The following TDRD3 variants were observed in gnomAD, a reference collection of about 807,000 sequenced individuals.
TDRD3 encodes the protein tudor domain-containing protein 3.
TDRD3 carries 45 observed loss-of-function variants against 86.7 expected under a neutral mutation model. The ratio of observed to expected loss-of-function variants is 0.52; its 90% confidence interval spans 0.41 to 0.67. TDRD3 has a LOEUF of 0.67. Ranked by LOEUF, TDRD3 falls within the 30% of genes least tolerant of loss-of-function variation. The pLI, the probability that TDRD3 is intolerant of heterozygous loss-of-function variation, is 0.00. For missense variants in TDRD3, 814 were observed against 889.0 expected, an observed-to-expected ratio of 0.92 and a Z score of 1.07; for synonymous variants, 298 against 301.7, an observed-to-expected ratio of 0.99 and a Z score of 0.13.
chr13:60,505,191 T>C (rs1271506708), intron 8 of TDRD3, among the ~76,000 whole-genome samples: 1 of 152,150 alleles, frequency 6.6e-6, no homozygotes, highest in African/African-American at 2.4e-5. Flanking sequence ...ATCCACTGGC[T>C]TGAAATTCTC....
intron 1 of TDRD3, among the ~76,000 whole-genome samples, chr13:60,432,962 A>T (rs569948595): frequency 6.6e-6 from 1 of 152,242 alleles, no homozygotes; most frequent in Admixed American, 6.5e-5. Context: ...GCATGAAGCC[A>T]TTTGATTTGG....
At chr13:60,443,511 A>G (rs1955329829) in intron 2 of TDRD3, among the ~76,000 whole-genome samples, 1 of 151,960 alleles carries the variant, frequency 6.6e-6, no homozygotes, top group South Asian at 2.1e-4. Flanking sequence ...GTAGTAAAAA[A>G]CTGGAAAGAA....
At chr13:60,513,788 G>T (rs1403200069) in intron 10 of TDRD3, among the ~76,000 whole-genome samples, 1 of 152,220 alleles carries the variant, frequency 6.6e-6, no homozygotes, top group Non-Finnish European at 1.5e-5. Context: ...CTTCTGCCAT[G>T]ATTGTGAGGC....
chr13:60,445,580 A>C (rs1174164976), intron 3 of TDRD3, among the ~76,000 whole-genome samples: 1 of 152,188 alleles, frequency 6.6e-6, no homozygotes, highest in East Asian at 1.9e-4. Flanking sequence ...TAGAACACAA[A>C]TTGCTGGACC....
At chr13:60,526,428 T>G (rs1415374653) in intron 10 of TDRD3, among the ~76,000 whole-genome samples, 1 of 152,154 alleles carries the variant, frequency 6.6e-6, no homozygotes, top group African/African-American at 2.4e-5. Flanking sequence ...CTGCTGAAAG[T>G]GCTCATTTGT....
At chr13:60,496,014 A>G (rs2146356) in intron 8 of TDRD3, among the ~76,000 whole-genome samples, 151,988 of 151,992 alleles carry the variant, frequency 1, 75,992 homozygotes, top group Non-Finnish European at 1. Flanking sequence ...TAACATTTGA[A>G]TCAGTGACTT....
intron 1 of TDRD3, among the ~76,000 whole-genome samples, chr13:60,432,087 G>C (rs1057189530): frequency 5.9e-5 from 9 of 151,948 alleles, no homozygotes; most frequent in Admixed American, 3.9e-4. Context: ...GAGGTACTTA[G>C]TTGTTAAGGG....
In TDRD3 at chr13:60,573,632, C is replaced by T. The variant is rs753169406; in HGVS notation, c.*26C>T. On this transcript the variant is annotated 3_prime_UTR_variant, in exon 14 of 14. Transcript: ENST00000377881. Reference sequence around the variant, plus strand: ...TTAAAGTAGACTCTTTGTGAAGAAACGAGCCAGTGACTGAAACACCCTGGT... The same window carrying T: ...TTAAAGTAGACTCTTTGTGAAGAAATGAGCCAGTGACTGAAACACCCTGGT... 7 of 985,190 alleles carry T rather than the reference C, an allele frequency of 7.1e-6. No individual in the cohort carries two copies. Among genetic ancestry groups the T allele is most frequent in the East Asian group, 1.1e-4 (1 of 8,830 alleles). 61.0% of individuals were successfully genotyped at this position (985,190 alleles called of 1,614,324 possible). A position where few individuals can be genotyped will look rare whatever the true frequency, so the allele number is the denominator to read the frequency against.
In TDRD3 at chr13:60,460,214, A is replaced by G. The variant is rs900571048; in HGVS notation, c.193-166A>G. 2.0e-5 allele frequency among the ~76,000 whole-genome samples: 3 copies of G among 152,320 alleles called. No homozygotes were observed. In the East Asian group the frequency reaches 5.8e-4, roughly 29 times the overall value. ...AGTTTTCTCTTTTAATACCAAAACA[A>G]AGAAAAAACTTGATAATATATAATT... On this transcript the variant is annotated intron_variant, in intron 3 of 13. Coordinates refer to ENST00000377881, the MANE Select transcript of TDRD3 (RefSeq NM_001146070.2).
intron 2 of TDRD3, among the ~76,000 whole-genome samples, chr13:60,440,150 A>G (rs1256317148): frequency 6.6e-6 from 1 of 152,180 alleles, no homozygotes; most frequent in Non-Finnish European, 1.5e-5. Flanking sequence ...TGACAGTGGT[A>G]TTTATTGTTT....
At chr13:60,522,267 T>G (rs1739263855) in intron 10 of TDRD3, among the ~76,000 whole-genome samples, 1 of 152,112 alleles carries the variant, frequency 6.6e-6, no homozygotes, top group Non-Finnish European at 1.5e-5. Flanking sequence ...TGCCCTGTTT[T>G]CATTAAGAAT....
chr13:60,451,911 G>C (rs530448518), intron 3 of TDRD3, among the ~76,000 whole-genome samples: 14 of 152,214 alleles, frequency 9.2e-5, no homozygotes, highest in African/African-American at 3.4e-4. Flanking sequence ...GATTGAAATT[G>C]CATTGAATCT....
At chr13:60,529,339 C>A (rs761811078) in intron 11 of TDRD3, 122 bp downstream of exon 11, 11 of 1,074,686 alleles carry the variant, frequency 1.0e-5, no homozygotes, top group East Asian at 5.2e-5. Context: ...TGTTTAAAAT[C>A]TTTGAACAGA....
chr13:60,559,668 T>G (rs1360218200), intron 12 of TDRD3, among the ~76,000 whole-genome samples: 1 of 152,126 alleles, frequency 6.6e-6, no homozygotes. Flanking sequence ...TGATCTTACT[T>G]ATATGTGGAA....
intron 1 of TDRD3, among the ~76,000 whole-genome samples, chr13:60,405,002 A>G (rs1286622969): frequency 6.6e-6 from 1 of 152,252 alleles, no homozygotes; most frequent in Non-Finnish European, 1.5e-5. Context: ...GCTGCCATTC[A>G]CATAAGATGT....
intron 1 of TDRD3, among the ~76,000 whole-genome samples, chr13:60,413,061 C>A (rs1279968330): frequency 6.7e-6 from 1 of 149,312 alleles, no homozygotes; most frequent in Non-Finnish European, 1.5e-5. Flanking sequence ...TTTTTTTTGC[C>A]TAAGTACCCA....
chr13:60,481,944 G>A (rs1956327277), intron 5 of TDRD3, among the ~76,000 whole-genome samples: 1 of 152,154 alleles, frequency 6.6e-6, no homozygotes, highest in Admixed American at 6.5e-5. Flanking sequence ...GCTTTGAAAG[G>A]AGTATCTAGC....
intron 12 of TDRD3, among the ~76,000 whole-genome samples, chr13:60,555,872 A>G (rs1482000520): frequency 1.5e-5 from 2 of 131,060 alleles, no homozygotes; most frequent in Non-Finnish European, 3.2e-5. Flanking sequence ...TTTTTTTGAG[A>G]TGGAATCTCG....
chr13:60,533,557 T>C (rs764378010), intron 11 of TDRD3, among the ~76,000 whole-genome samples: 17 of 152,060 alleles, frequency 1.1e-4, no homozygotes, highest in South Asian at 4.2e-4. Flanking sequence ...AGGAGAATCA[T>C]TGGAACCCGA....
Sources: gnomAD v4.1 joint callset for allele counts (sites outside exome capture counted in the v4.1 genomes callset) on GRCh38, gnomAD v4.1.1 for gene constraint, MANE v1.5 for transcripts, NCBI Gene and HGNC (gene_info 2026-07-23, HGNC 2026-07-21) for gene names.